The following NAPA variants were observed in gnomAD, a reference collection of about 807,000 sequenced individuals.
NAPA encodes alpha-soluble NSF attachment protein.
NAPA carries 18 observed loss-of-function variants against 48.0 expected under a neutral mutation model. That is an observed-to-expected ratio of 0.38 (90% CI 0.26 to 0.56). NAPA has a LOEUF of 0.56. Ranked by LOEUF, NAPA falls within the 20% of genes least tolerant of loss-of-function variation. The probability of loss-of-function intolerance (pLI) is 0.77; values close to 1 mark genes in which losing one functional copy is unlikely to be tolerated. For missense variants in NAPA, 315 were observed against 385.0 expected (o/e 0.82, Z 1.52); for synonymous variants, 152 against 149.9 (o/e 1.01, Z -0.10).
At chr19:47,512,287 C>G (rs1968819270) in intron 1 of NAPA, among the ~76,000 whole-genome samples, 1 of 152,228 alleles carries the variant, frequency 6.6e-6, no homozygotes, top group East Asian at 1.9e-4. Flanking sequence ...AGCACCCTCC[C>G]CGGCCCCACT....
Position 47,487,952 on chromosome 19 carries a change from A to G in NAPA, c.*336T>C. The G allele has an allele frequency of 5.5e-6, 1 of 182,776 alleles. No individual in the cohort carries two copies. The highest frequency in any genetic ancestry group is 1.2e-5 in the Non-Finnish European group (1 of 86,900). 11.3% of individuals were successfully genotyped at this position (182,776 alleles called of 1,614,324 possible). ...CTCATGACTCAGCTGGTCAGGAGAT[A>G]GGGGGCCAGATGCTGACCCCAAATC... On this transcript the variant is annotated 3_prime_UTR_variant, in exon 11 of 11. Transcript: ENST00000263354.
At chr19:47,486,570 C>T (rs187219478), downstream of NAPA, among the ~76,000 whole-genome samples, 5 of 152,220 alleles carry the variant, frequency 3.3e-5, no homozygotes, top group Admixed American at 1.3e-4. Flanking sequence ...CAAAGTGCTA[C>T]GATTACAGGC....
At position 47,506,075 on chromosome 19, in the gene NAPA, G is replaced by A. The variant is rs903541208; in HGVS notation, c.99-2573C>T. ...TACAGTGGCACGATCTCAGCTTACT[G>A]CAACCTCCAACTCCCGGGTTCAAGC... On this transcript the variant is annotated intron_variant, in intron 1 of 10. Coordinates refer to ENST00000263354, the MANE Select transcript of NAPA (RefSeq NM_003827.4). The surrounding 1 kb of genome is among the most constrained non-coding windows in gnomAD (Gnocchi z 4.0). Among the ~76,000 whole-genome samples, 3 of 145,892 alleles carry A rather than the reference G, an allele frequency of 2.1e-5. No homozygotes were observed. The highest frequency in any genetic ancestry group is 7.7e-5 in the African/African-American group (3 of 38,778).
intron 10 of NAPA, chr19:47,489,209 A>C (rs1449746657): frequency 6.2e-6 from 1 of 161,754 alleles, no homozygotes; most frequent in African/African-American, 2.4e-5. Flanking sequence ...GCCGGACACC[A>C]CTAAGCCCGG....
At chr19:47,513,018 A>G (rs1445695630) in intron 1 of NAPA, among the ~76,000 whole-genome samples, 2 of 151,738 alleles carry the variant, frequency 1.3e-5, no homozygotes, top group Non-Finnish European at 2.9e-5. Flanking sequence ...GCCACCACAC[A>G]CTGTTCTCTC....
chr19:47,504,707 G>A (rs1243017733), intron 1 of NAPA, among the ~76,000 whole-genome samples: 1 of 151,712 alleles, frequency 6.6e-6, no homozygotes, highest in African/African-American at 2.4e-5. Context: ...ATATATGTGT[G>A]TATATATCTA....
At chr19:47,490,991 T>A in intron 8 of NAPA, 135 bp from the exon 9 acceptor site, 2 of 680,554 alleles carry the variant, frequency 2.9e-6, no homozygotes, top group Admixed American at 2.5e-5. Context: ...GCCTCAGGTG[T>A]CACCTGGCTC....
intron 1 of NAPA, among the ~76,000 whole-genome samples, chr19:47,509,330 AAAATAAAATAAAATAAAAT>A (rs1159771005): frequency 1.5e-4 from 21 of 138,472 alleles, no homozygotes; most frequent in Non-Finnish European, 2.2e-4. Flanking sequence ...AAAATAAAAT[AAAATAAAATAAAATAAAAT>A]AAATAAAATA....
chr19:47,485,218 T>A (rs896556553), downstream of NAPA, among the ~76,000 whole-genome samples: 1 of 152,176 alleles, frequency 6.6e-6, no homozygotes, highest in African/African-American at 2.4e-5. Flanking sequence ...ATTGAGCTTT[T>A]ACTATGTGCC....
intron 10 of NAPA, chr19:47,489,501 C>T: frequency 1.6e-6 from 1 of 617,550 alleles, no homozygotes; most frequent in Non-Finnish European, 2.8e-6. Flanking sequence ...TCCCCAACCT[C>T]AGTGCCACCA....
chr19:47,487,878 C>T lies in NAPA; in HGVS notation c.*410G>A. On this transcript the variant is annotated 3_prime_UTR_variant, in exon 11 of 11. Transcript: ENST00000263354. ...CAGCAGGTCTCAGCGGCTACATGTG[C>T]TTTAGAGCTTGGCTGGGGGACAAAA... 1 of 156,058 alleles carries T rather than the reference C, an allele frequency of 6.4e-6. No individual in the cohort carries two copies. Among genetic ancestry groups the T allele is most frequent in the Non-Finnish European group, 1.4e-5 (1 of 70,336 alleles). The allele number at this position is 156,058 out of a possible 1,614,324, so 9.7% of individuals were successfully genotyped here.
At position 47,488,339 on chromosome 19, in the gene NAPA, C is replaced by T. The variant is rs1356932023; in HGVS notation, c.837G>A (p.Met279Ile). 6.2e-7 allele frequency: 1 copy of T among 1,613,678 alleles called. No individual in the cohort carries two copies. Among genetic ancestry groups the T allele is most frequent in the African/African-American group, 1.3e-5 (1 of 75,050 alleles). The change falls in exon 11 of 11, where the codon ATG (methionine) becomes ATA (isoleucine). Residue 279 changes from methionine (M) to isoleucine (I), a missense_variant. Physicochemically the swap from Met to Ile is conservative, Grantham distance 10. This residue lies in a region of NAPA where 137 missense variants were observed against 150.1 expected (regional missense o/e 0.91). Coordinates refer to ENST00000263354, the MANE Select transcript of NAPA (RefSeq NM_003827.4). ...ISRLDQWLTTMLLRIKKTIQG... is the reference protein window; with the variant it reads ...ISRLDQWLTTILLRIKKTIQG... ...GGATGGTCTTCTTGATGCGCAGCAG[C>T]ATGGTGGTGAGCCACTGGTCCAGCC... is the stretch of plus-strand genomic sequence containing the variant.
chr19:47,496,766 G>C (rs1649204451), intron 3 of NAPA: 1 of 430,490 alleles, frequency 2.3e-6, no homozygotes, highest in African/African-American at 2.0e-5. Context: ...CTGGACAGAG[G>C]CTCTTTGTCT....
At position 47,488,366 on chromosome 19, in the gene NAPA, G is replaced by A. The variant is rs1463691380; in HGVS notation, c.810C>T (p.Ser270=). 1.2e-6 allele frequency: 2 copies of A among 1,613,554 alleles called. No individual in the cohort carries two copies. Among genetic ancestry groups the A allele is most frequent in the Non-Finnish European group, 8.5e-7 (1 of 1,179,662 alleles). Residue 270 remains serine (S), a synonymous_variant, in exon 11 of 11, where the codon TCC becomes TCT. Coordinates refer to ENST00000263354, the MANE Select transcript of NAPA (RefSeq NM_003827.4). ...TGGTGGTGAGCCACTGGTCCAGCCG[G>A]GAGATGGAGTCGTATTCCTTCACCT... The part of the protein sequence containing the change: ...TESVKEYDSI[S]RLDQWLTTML...
chr19:47,496,962 G>A (rs1406713291), intron 3 of NAPA: 4 of 384,314 alleles, frequency 1.0e-5, no homozygotes, highest in Admixed American at 5.7e-5. Flanking sequence ...CTGACAGACC[G>A]AGACTGTGGC....
intron 4 of NAPA, 58 bp downstream of exon 4, chr19:47,495,492 C>T: frequency 6.4e-7 from 1 of 1,567,530 alleles, no homozygotes; most frequent in Non-Finnish European, 8.8e-7. Flanking sequence ...AGAGGGGACG[C>T]AAGGCTGGGG....
In NAPA at chr19:47,488,409, T is replaced by C. The variant is rs1968137347; in HGVS notation, c.787-20A>G. The C allele has an allele frequency of 1.9e-6, 3 of 1,580,300 alleles. No homozygotes were observed. The highest frequency in any genetic ancestry group is 2.3e-5 in the East Asian group (1 of 44,332). ...CTTCACCTGAGGGCACACCAGGTGA[T>C]AGGCTGGCCATGCTCCCCCCGTTCC... On this transcript the variant is annotated intron_variant, in intron 10 of 10. Transcript: ENST00000263354.
At chr19:47,505,335 A>G (rs1335405085) in intron 1 of NAPA, 1 of 152,138 alleles carries the variant, frequency 6.6e-6, no homozygotes, top group Non-Finnish European at 1.5e-5. Flanking sequence ...CCAACATTAT[A>G]CCTGGGAACT....
At chr19:47,490,291 TTG>T (rs1241666926) in intron 9 of NAPA, among the ~76,000 whole-genome samples, 1 of 141,804 alleles carries the variant, frequency 7.1e-6, no homozygotes, top group African/African-American at 2.6e-5. Flanking sequence ...GCAATGTGTT[TTG>T]TGTGAGGGGT....
Sources: allele counts gnomAD v4.1 joint callset (sites outside exome capture counted in the v4.1 genomes callset), GRCh38; gene constraint gnomAD v4.1.1; regional missense constraint gnomAD v4.1.1; non-coding constraint Gnocchi (gnomAD v3.1); transcripts MANE v1.5; gene names NCBI Gene and HGNC (gene_info 2026-07-23, HGNC 2026-07-21).